LEMD3: variants seen among roughly 807,000 people sequenced by gnomAD.
LEMD3 encodes the protein inner nuclear membrane protein Man1.
Under a neutral mutation model 95.2 loss-of-function variants are expected in LEMD3, and 33 were observed. That is an observed-to-expected ratio of 0.35 (90% CI 0.26 to 0.46). The LOEUF is 0.46. Ranked by LOEUF, LEMD3 falls within the 20% of genes least tolerant of loss-of-function variation. The pLI, the probability that LEMD3 is intolerant of heterozygous loss-of-function variation, is 1.00. For synonymous variants in LEMD3, 525 were observed against 474.6 expected (o/e 1.11, Z -1.38); for missense variants, 1,210 against 1,192.8 (o/e 1.01, Z -0.21).
intron 1 of LEMD3, among the ~76,000 whole-genome samples, chr12:65,179,168 GTTCT>G (rs1321490725): frequency 1.3e-5 from 2 of 151,930 alleles, no homozygotes; most frequent in African/African-American, 4.8e-5. Context: ...ATTACAACTT[GTTCT>G]TTCTGTTGTT....
At chr12:65,198,071 G>A (rs777622797) in intron 1 of LEMD3, among the ~76,000 whole-genome samples, 31 of 151,984 alleles carry the variant, frequency 2.0e-4, no homozygotes, top group Non-Finnish European at 4.1e-4. Flanking sequence ...GCACATTTGT[G>A]CACATCACAA....
At position 65,241,010 on chromosome 12, in the gene LEMD3, T is replaced by C. The variant is rs759706763; in HGVS notation, c.2228T>C (p.Leu743Pro). 1.2e-6 allele frequency: 2 copies of C among 1,614,108 alleles called. No homozygotes were observed. Among genetic ancestry groups the C allele is most frequent in the Non-Finnish European group, 1.7e-6 (2 of 1,179,966 alleles). ...CGAAGAATAGGTGGTGCAGATTTTC[T>C]GGTTTGGCGGTGGATCCAGCCTTCT... ...ETRRIGGADFLVWRWIQPSAS... is the reference protein window; with the variant it reads ...ETRRIGGADFPVWRWIQPSAS... Residue 743 changes from leucine (L) to proline (P), a missense_variant, in exon 9 of 13, where the codon CTG (leucine) becomes CCG (proline). Around this residue, in one of 2 missense-constraint regions of LEMD3, gnomAD observed 461 missense variants for 569.8 expected, o/e 0.81. Transcript: ENST00000308330.
At chr12:65,205,615 G>C (rs1049691385) in intron 1 of LEMD3, among the ~76,000 whole-genome samples, 1 of 152,062 alleles carries the variant, frequency 6.6e-6, no homozygotes, top group African/African-American at 2.4e-5. Context: ...TGGGATTTTT[G>C]CCTCTCAAAC....
chr12:65,180,930 C>T (rs1301182343), intron 1 of LEMD3, among the ~76,000 whole-genome samples: 2 of 150,672 alleles, frequency 1.3e-5, no homozygotes, highest in African/African-American at 5.0e-5. Flanking sequence ...TATTTTAGCA[C>T]ATAGCAGAAA....
At chr12:65,203,143 CTTTCT>C (rs923867290) in intron 1 of LEMD3, among the ~76,000 whole-genome samples, 5 of 152,114 alleles carry the variant, frequency 3.3e-5, no homozygotes, top group African/African-American at 1.2e-4. Flanking sequence ...GATATTAGGT[CTTTCT>C]TTTCTAATTT....
intron 1 of LEMD3, among the ~76,000 whole-genome samples, chr12:65,203,837 A>G (rs1339872156): frequency 6.6e-6 from 1 of 152,128 alleles, no homozygotes; most frequent in Non-Finnish European, 1.5e-5. Flanking sequence ...AACATTAGAT[A>G]TTGTTATGTC....
intron 1 of LEMD3, among the ~76,000 whole-genome samples, chr12:65,190,655 G>A (rs533323176): frequency 7.2e-5 from 11 of 152,272 alleles, no homozygotes; most frequent in African/African-American, 2.6e-4. Flanking sequence ...TCCCTAAAAT[G>A]TATAAAAGCA....
At chr12:65,210,754 T>A (rs555601606) in intron 1 of LEMD3, among the ~76,000 whole-genome samples, 172 bp from the exon 2 acceptor site, 1 of 152,316 alleles carries the variant, frequency 6.6e-6, no homozygotes, top group South Asian at 2.1e-4. Flanking sequence ...ATGATAAGTA[T>A]AAGTCTGAAA....
rs35145654 is a variant in LEMD3 at position 65,223,299 on chromosome 12, ATTTTTTT to A, written c.1695+4696_1695+4702del. Among the ~76,000 whole-genome samples, 10 of 118,670 alleles carry A rather than the reference ATTTTTTT, an allele frequency of 8.4e-5. No homozygotes were observed. In the South Asian group the frequency reaches 2.1e-3, roughly 25 times the overall value. 77.9% of individuals were successfully genotyped at this position (118,670 alleles called of 152,430 possible). On this transcript the variant is annotated intron_variant, in intron 4 of 12. Coordinates refer to ENST00000308330, the MANE Select transcript of LEMD3 (RefSeq NM_014319.5). ...ATATCCTTCCTTGTCTCATGTGATG[ATTTTTTT>A]TTTTTTTTTTTTTTTGAGACAGAGT...
chr12:65,170,584 A>T lies in LEMD3; in HGVS notation c.988A>T (p.Arg330Trp), dbSNP rs768546772. The T allele has an allele frequency of 1.2e-5, 20 of 1,613,876 alleles. No homozygotes were observed. Among genetic ancestry groups the T allele is most frequent in the African/African-American group, 4.0e-5 (3 of 74,904 alleles). Residue 330 changes from arginine (R) to tryptophan (W), a missense_variant, in exon 1 of 13, where the codon AGG (arginine) becomes TGG (tryptophan). By Grantham distance (101) the Arg-to-Trp change is moderately radical. Around this residue, in one of 2 missense-constraint regions of LEMD3, gnomAD observed 749 missense variants for 622.9 expected, o/e 1.20. Coordinates refer to ENST00000308330, the MANE Select transcript of LEMD3 (RefSeq NM_014319.5). ...DRAAAAGSLD[R>W]SRNLEEAAAA... is the part of the protein sequence containing the mutation. The stretch of plus-strand genomic sequence containing the variant: ...GGCGGCGGCTGCCGGGAGTCTAGAC[A>T]GGAGCCGAAACCTCGAAGAGGCGGC...
In LEMD3 at chr12:65,218,762, T is replaced by C. The variant is rs11175684; in HGVS notation, c.1695+143T>C. On this transcript the variant is annotated intron_variant, in intron 4 of 12. Coordinates refer to ENST00000308330, the MANE Select transcript of LEMD3 (RefSeq NM_014319.5). ...CTGTTTGGTATAATATGAGCAGTTATGAGAAAGTAAAATTGTTCAACTTTT... is the reference window on the plus strand; with the variant it reads ...CTGTTTGGTATAATATGAGCAGTTACGAGAAAGTAAAATTGTTCAACTTTT... 6,913 of 502,874 alleles carry C rather than the reference T, an allele frequency of 0.014. 372 individuals carry two copies. In the East Asian group the frequency reaches 0.15, roughly 11 times the overall value. 31.2% of individuals were successfully genotyped at this position (502,874 alleles called of 1,614,324 possible). A position where few individuals can be genotyped will look rare whatever the true frequency, so the allele number is the denominator to read the frequency against.
At chr12:65,215,834 C>A in intron 2 of LEMD3, 143 bp from the exon 3 acceptor site, 1 of 501,208 alleles carries the variant, frequency 2.0e-6, no homozygotes, top group Non-Finnish European at 3.6e-6. Context: ...AATATGGTGC[C>A]CATTACTTAA....
intron 4 of LEMD3, among the ~76,000 whole-genome samples, chr12:65,224,035 A>T (rs563626228): frequency 1.3e-5 from 2 of 152,022 alleles, no homozygotes; most frequent in Admixed American, 1.3e-4. Flanking sequence ...TATATTATTG[A>T]TGTCACAGAT....
chr12:65,190,669 T>G (rs1416892427), intron 1 of LEMD3, among the ~76,000 whole-genome samples: 2 of 152,218 alleles, frequency 1.3e-5, no homozygotes, highest in Non-Finnish European at 2.9e-5. Context: ...AAAAGCAAGC[T>G]GTACCCCAAA....
Position 65,206,001 on chromosome 12 carries a change from A to G in LEMD3, c.1523-4925A>G, listed in dbSNP as rs955822924. 2.6e-5 allele frequency among the ~76,000 whole-genome samples: 4 copies of G among 152,328 alleles called. No homozygotes were observed. In the East Asian group the frequency reaches 7.7e-4, roughly 29 times the overall value. On this transcript the variant is annotated intron_variant, in intron 1 of 12. Coordinates refer to ENST00000308330, the MANE Select transcript of LEMD3 (RefSeq NM_014319.5). ...GAGAACTTTCAGAAAACAAATGGGC[A>G]TAATGCTATGTTGCAAAAACATGTC... is the stretch of plus-strand genomic sequence containing the variant.
intron 9 of LEMD3, 73 bp from the exon 10 acceptor site, chr12:65,243,315 T>C: frequency 1.1e-6 from 1 of 924,358 alleles, no homozygotes; most frequent in Non-Finnish European, 1.8e-6. Context: ...ATTTTTTGAA[T>C]GAACTGAATG....
In LEMD3 at chr12:65,208,774, T is replaced by C. The variant is rs199522030; in HGVS notation, c.1523-2152T>C. On this transcript the variant is annotated intron_variant, in intron 1 of 12. Transcript: ENST00000308330. The stretch of plus-strand genomic sequence containing the variant: ...CTGTTCATTTAATAGGTGGCAATTA[T>C]CATGAGCATTTGGGGAAAAAAATTT... Among the ~76,000 whole-genome samples the C allele has an allele frequency of 7.2e-5, 11 of 152,210 alleles. No individual in the cohort carries two copies. The East Asian group carries it at 2.1e-3, about 29-fold the overall frequency.
rs1466359040 is a variant in LEMD3 at position 65,244,290 on chromosome 12, C to CA, written c.2387+821_2387+822insA. On this transcript the variant is annotated intron_variant, in intron 10 of 12. Coordinates refer to ENST00000308330, the MANE Select transcript of LEMD3 (RefSeq NM_014319.5). Reference sequence around the variant, plus strand: ...GCGCACACACACACACACACACCCCCCCCACACACACAGAGACAAACACCG... The same window carrying CA: ...GCGCACACACACACACACACACCCCCACCCACACACACAGAGACAAACACCG... 2.2e-3 allele frequency among the ~76,000 whole-genome samples: 316 copies of CA among 145,512 alleles called. 2 individuals carry two copies. The highest frequency in any genetic ancestry group is 8.4e-3 in the African/African-American group (304 of 36,156).
chr12:65,181,339 A>G (rs768515468), intron 1 of LEMD3, among the ~76,000 whole-genome samples: 8 of 152,152 alleles, frequency 5.3e-5, no homozygotes, highest in Non-Finnish European at 1.5e-5. Flanking sequence ...CACCCAGATT[A>G]TTTATTGAGC....
Sources: allele counts gnomAD v4.1 joint callset (sites outside exome capture counted in the v4.1 genomes callset), GRCh38; gene constraint gnomAD v4.1.1; regional missense constraint gnomAD v4.1.1; transcripts MANE v1.5; gene names NCBI Gene and HGNC (gene_info 2026-07-23, HGNC 2026-07-21).